Variants in RGS6 observed in about 807,000 individuals in gnomAD.
RGS6 encodes regulator of G protein signaling 6, also known as regulator of G-protein signaling 6.
In RGS6, 30 loss-of-function variants were observed where a neutral mutation model predicts 78.5. That is an observed-to-expected ratio of 0.38 (90% CI 0.29 to 0.52). The LOEUF is 0.52. Ranked by LOEUF, RGS6 falls within the 20% of genes least tolerant of loss-of-function variation. The pLI, the probability that RGS6 is intolerant of heterozygous loss-of-function variation, is 0.85. For synonymous variants in RGS6, 206 were observed against 206.0 expected (o/e 1.00, Z 0.00); for missense variants, 495 against 609.7 (o/e 0.81, Z 1.98).
the RGS6 span, among the ~76,000 whole-genome samples, chr14:72,600,100 C>G: frequency 6.6e-6 from 1 of 152,026 alleles, no homozygotes; most frequent in African/African-American, 2.4e-5. Context: ...CTCCCTTCTT[C>G]TCCTCCTTTC....
chr14:72,028,899 C>G (rs74060461), intron 2 of RGS6, among the ~76,000 whole-genome samples: 6,653 of 152,224 alleles, frequency 0.044, 182 homozygotes, highest in African/African-American at 0.078. Context: ...AGGTCAAGTC[C>G]TAATTGAAAT....
intron 12 of RGS6, among the ~76,000 whole-genome samples, chr14:72,493,311 A>T (rs971013305): frequency 1.3e-5 from 2 of 152,228 alleles, no homozygotes; most frequent in African/African-American, 4.8e-5. Context: ...TTATCTGAGA[A>T]ATGAGAAGGT....
At chr14:72,575,893 T>A in the RGS6 span, among the ~76,000 whole-genome samples, 2 of 152,196 alleles carry the variant, frequency 1.3e-5, no homozygotes, top group Non-Finnish European at 2.9e-5. Flanking sequence ...TGCTTTCGGC[T>A]CCCTGTCCTC....
chr14:72,206,951 T>C (rs535955117), intron 2 of RGS6, among the ~76,000 whole-genome samples: 1 of 152,306 alleles, frequency 6.6e-6, no homozygotes, highest in Admixed American at 6.5e-5. Context: ...GAGAAAGAAA[T>C]AGAATTTTCT....
intron 2 of RGS6, among the ~76,000 whole-genome samples, chr14:72,317,092 G>C (rs758176766): frequency 1.3e-5 from 2 of 152,030 alleles, no homozygotes; most frequent in African/African-American, 4.8e-5. Flanking sequence ...CTGTAGCACT[G>C]GTTGGTTATG....
chr14:72,205,048 G>A (rs752096179), intron 2 of RGS6, among the ~76,000 whole-genome samples: 2 of 152,168 alleles, frequency 1.3e-5, no homozygotes, highest in African/African-American at 4.8e-5. Flanking sequence ...CAGATAGAGG[G>A]CAGAGCAGAG....
chr14:71,990,723 T>A (rs2094920777), intron 2 of RGS6: 1 of 455,952 alleles, frequency 2.2e-6, no homozygotes, highest in African/African-American at 2.0e-5. Context: ...CCTCTCTACA[T>A]GCTGCATTGA....
At chr14:72,277,468 G>A (rs533443604) in intron 2 of RGS6, among the ~76,000 whole-genome samples, 5 of 152,166 alleles carry the variant, frequency 3.3e-5, no homozygotes, top group South Asian at 4.1e-4. Flanking sequence ...GTGGTGGCAC[G>A]TGCCTGTAAT....
chr14:72,469,868 A>T (rs1294298711), intron 7 of RGS6, 139 bp from the exon 8 acceptor site: 2 of 646,252 alleles, frequency 3.1e-6, no homozygotes, highest in Admixed American at 2.5e-5. Context: ...AATGGGATAC[A>T]TGTCCAGGGG....
the RGS6 span, among the ~76,000 whole-genome samples, chr14:71,912,900 A>G: frequency 6.6e-6 from 1 of 151,860 alleles, no homozygotes; most frequent in African/African-American, 2.4e-5. Flanking sequence ...ATCTCGGCTC[A>G]CTGCAAGCTC....
At chr14:72,216,983 A>G (rs1037918773) in intron 2 of RGS6, among the ~76,000 whole-genome samples, 12 of 152,176 alleles carry the variant, frequency 7.9e-5, no homozygotes, top group Non-Finnish European at 8.8e-5. Flanking sequence ...AGCAACAGAA[A>G]AACAGGCACA....
chr14:72,046,068 G>T (rs1304796877), intron 2 of RGS6, among the ~76,000 whole-genome samples: 1 of 151,994 alleles, frequency 6.6e-6, no homozygotes, highest in African/African-American at 2.4e-5. Context: ...CTTCACCAAA[G>T]GCTCACTGAC....
At chr14:72,626,439 A>ATATTC in the RGS6 span, among the ~76,000 whole-genome samples, 1 of 152,102 alleles carries the variant, frequency 6.6e-6, no homozygotes, top group Non-Finnish European at 1.5e-5. Flanking sequence ...CATACTATAG[A>ATATTC]TATTCTATTT....
chr14:72,398,712 C>G (rs1028482780), intron 3 of RGS6, among the ~76,000 whole-genome samples: 1 of 152,158 alleles, frequency 6.6e-6, no homozygotes, highest in Non-Finnish European at 1.5e-5. Flanking sequence ...TCCCTCTACA[C>G]ACTGCTTTGA....
chr14:72,470,390 AG>A (rs751247560), intron 8 of RGS6, among the ~76,000 whole-genome samples: 57 of 152,252 alleles, frequency 3.7e-4, no homozygotes, highest in Non-Finnish European at 5.9e-4. Context: ...CTGTGTTCAA[AG>A]GCTGAAATCC....
intron 2 of RGS6, among the ~76,000 whole-genome samples, chr14:72,218,662 A>G (rs2046159092): frequency 6.6e-6 from 1 of 152,088 alleles, no homozygotes; most frequent in African/African-American, 2.4e-5. Flanking sequence ...ACCAGGCTGT[A>G]GTGCAGTGGC....
chr14:72,593,169 T>TCAGTTGCC, the RGS6 span, among the ~76,000 whole-genome samples: 1 of 152,154 alleles, frequency 6.6e-6, no homozygotes, highest in African/African-American at 2.4e-5. Context: ...AGAAAGAATA[T>TCAGTTGCC]CAGTTGCCCA....
intron 3 of RGS6, among the ~76,000 whole-genome samples, chr14:72,386,908 G>T (rs1461224065): frequency 6.6e-6 from 1 of 152,106 alleles, no homozygotes; most frequent in Non-Finnish European, 1.5e-5. Flanking sequence ...GGGGTGCTGG[G>T]GGTAGCAGTG....
chr14:72,251,352 G>A (rs1221009570), intron 2 of RGS6, among the ~76,000 whole-genome samples: 1 of 152,018 alleles, frequency 6.6e-6, no homozygotes, highest in African/African-American at 2.4e-5. Context: ...CTAGGGAGGG[G>A]GTTTAAGACT....
Sources: allele counts gnomAD v4.1 joint callset (sites outside exome capture counted in the v4.1 genomes callset), GRCh38; gene constraint gnomAD v4.1.1; transcripts MANE v1.5; gene names NCBI Gene and HGNC (gene_info 2026-07-23, HGNC 2026-07-21).